The following ZMYM5 variants were observed in gnomAD, a reference collection of about 807,000 sequenced individuals.
ZMYM5 encodes zinc finger MYM-type protein 5.
Under a neutral mutation model 61.8 loss-of-function variants are expected in ZMYM5, and 41 were observed. The ratio of observed to expected loss-of-function variants is 0.66; its 90% CI spans 0.52 to 0.86. The LOEUF (loss-of-function observed/expected upper bound fraction) is 0.86. Ranked by LOEUF, ZMYM5 falls within the 40% of genes least tolerant of loss-of-function variation. The pLI, the probability that ZMYM5 is intolerant of heterozygous loss-of-function variation, is 0.00. For synonymous variants in ZMYM5, 257 were observed against 276.4 expected, an observed-to-expected ratio of 0.93 and a Z score of 0.70; for missense variants, 706 against 786.7, an observed-to-expected ratio of 0.90 and a Z score of 1.23.
At position 19,851,877 on chromosome 13, in the gene ZMYM5, A is replaced by G. The variant is rs138286732; in HGVS notation, c.304T>C (p.Ser102Pro). 4.8e-4 allele frequency: 767 copies of G among 1,611,936 alleles called. No individual in the cohort carries two copies. Among genetic ancestry groups the G allele is most frequent in the Non-Finnish European group, 6.1e-4 (718 of 1,179,482 alleles). The part of the protein sequence containing the change: ...PQGNYSVIPP[S>P]SRDLASQKGN... ...TTCTGAGATGCCAAATCTCTTGAAG[A>G]AGGAGGAATTACAGAATAATTTCCT... The change falls in exon 3 of 8, where the codon TCT (serine) becomes CCT (proline). Residue 102 changes from serine to proline, a missense_variant. Physicochemically the swap from Ser to Pro is moderately conservative, Grantham distance 74. Around this residue, in one of 2 missense-constraint regions of ZMYM5, gnomAD observed 480 missense variants for 461.7 expected, o/e 1.04. Transcript: ENST00000337963.
At position 19,837,790 on chromosome 13, in the gene ZMYM5, G is replaced by A; in HGVS notation, c.904C>T (p.Leu302Phe). 1 of 1,593,688 alleles carries A rather than the reference G, an allele frequency of 6.3e-7. No individual in the cohort carries two copies. The highest frequency in any genetic ancestry group is 1.2e-5 in the South Asian group (1 of 85,882). Reference sequence around the variant, plus strand: ...AAGGATTTGCTTGATTCTACTGGAAGAATGACATTAGCCTTCTTTGTAGAT... The same window carrying A: ...AAGGATTTGCTTGATTCTACTGGAAAAATGACATTAGCCTTCTTTGTAGAT... ...DASTKKANVI[L>F]PVESSKSFQE... Residue 302 changes from leucine (L) to phenylalanine (F), a missense_variant, in exon 6 of 8, where the codon CTT becomes TTT. Coordinates refer to ENST00000337963, the MANE Select transcript of ZMYM5 (RefSeq NM_001142684.2).
chr13:19,844,938 C>A (rs1453960356), intron 4 of ZMYM5, among the ~76,000 whole-genome samples: 3 of 152,112 alleles, frequency 2.0e-5, no homozygotes, highest in Non-Finnish European at 4.4e-5. Flanking sequence ...TCTTATGCTG[C>A]AAGAAAAGTA....
intron 4 of ZMYM5, among the ~76,000 whole-genome samples, chr13:19,841,112 A>G (rs965703653): frequency 2.0e-5 from 3 of 149,908 alleles, no homozygotes; most frequent in Admixed American, 6.7e-5. Context: ...TTACAGGAGC[A>G]CGCCACCACA....
chr13:19,854,040 T>A (rs79272455), intron 2 of ZMYM5, among the ~76,000 whole-genome samples: 2 of 152,138 alleles, frequency 1.3e-5, no homozygotes, highest in African/African-American at 4.8e-5. Flanking sequence ...AGACAGAGTC[T>A]CACTCTATCG....
At chr13:19,848,425 A>C (rs1953162591) in intron 4 of ZMYM5, among the ~76,000 whole-genome samples, 2 of 151,776 alleles carry the variant, frequency 1.3e-5, no homozygotes, top group African/African-American at 4.8e-5. Context: ...GCAATTACAG[A>C]TGTGAGCTAC....
chr13:19,854,042 A>G (rs1953416464), intron 2 of ZMYM5, among the ~76,000 whole-genome samples: 1 of 151,980 alleles, frequency 6.6e-6, no homozygotes, highest in Admixed American at 6.6e-5. Flanking sequence ...ACAGAGTCTC[A>G]CTCTATCGCC....
chr13:19,851,438 C>A lies in ZMYM5; in HGVS notation c.503G>T (p.Gly168Val). ...SSLSRSKTKTGVRPFNPGRMN... is the reference protein window; with the variant it reads ...SSLSRSKTKTVVRPFNPGRMN... ...TCTACCAGGGTTAAAAGGTCTTACTCCAGTCTTGGTCTGTGGAGTTAAAGA... is the reference window on the plus strand; with the variant it reads ...TCTACCAGGGTTAAAAGGTCTTACTACAGTCTTGGTCTGTGGAGTTAAAGA... Residue 168 changes from glycine to valine, a missense_variant, in exon 4 of 8, where the codon GGA becomes GTA. Coordinates refer to ENST00000337963, the MANE Select transcript of ZMYM5 (RefSeq NM_001142684.2). The A allele has an allele frequency of 1.9e-6, 3 of 1,614,074 alleles. No individual in the cohort carries two copies. Among genetic ancestry groups the A allele is most frequent in the Non-Finnish European group, 2.5e-6 (3 of 1,179,984 alleles).
At chr13:19,851,105 A>C (rs1953275351) in intron 4 of ZMYM5, among the ~76,000 whole-genome samples, 1 of 151,994 alleles carries the variant, frequency 6.6e-6, no homozygotes. Flanking sequence ...TCTACTCAGG[A>C]GGCTCAGGCA....
chr13:19,853,713 G>A (rs1409973155), intron 2 of ZMYM5, among the ~76,000 whole-genome samples: 1 of 150,146 alleles, frequency 6.7e-6, no homozygotes, highest in African/African-American at 2.5e-5. Context: ...GTGATCCCCC[G>A]GCTTTAACTT....
At chr13:19,854,641 A>AAAAAC (rs1389815258) in intron 2 of ZMYM5, among the ~76,000 whole-genome samples, 2 of 151,754 alleles carry the variant, frequency 1.3e-5, no homozygotes, top group Non-Finnish European at 2.9e-5. Flanking sequence ...AAAAAAAAAA[A>AAAAAC]AAAACCTCAA....
In ZMYM5 at chr13:19,837,815, T is replaced by C; in HGVS notation, c.879A>G (p.Ala293=). ...NTRSIICKKD[A]STKKANVILP... ...GAATGACATTAGCCTTCTTTGTAGA[T>C]GCATCTCTGAAACAGAAGGGATAGA... Residue 293 remains alanine (A), a synonymous_variant, in exon 6 of 8, where the codon GCA becomes GCG. Transcript: ENST00000337963. 1.9e-6 allele frequency: 3 copies of C among 1,587,418 alleles called. No individual in the cohort carries two copies. Among genetic ancestry groups the C allele is most frequent in the South Asian group, 1.2e-5 (1 of 84,684 alleles).
chr13:19,828,583 C>T (rs1891034546), intron 7 of ZMYM5, among the ~76,000 whole-genome samples: 1 of 152,070 alleles, frequency 6.6e-6, no homozygotes, highest in African/African-American at 2.4e-5. Context: ...ATTATGAATT[C>T]CCAACCTTAT....
rs1458747634 is a variant in ZMYM5 at position 19,863,589 on chromosome 13, C to G, written c.-218G>C. 6.5e-6 allele frequency: 1 copy of G among 152,702 alleles called. No individual in the cohort carries two copies. Among genetic ancestry groups the G allele is most frequent in the Admixed American group, 6.5e-5 (1 of 15,284 alleles). The allele number at this position is 152,702 out of a possible 1,614,324, so 9.5% of individuals were successfully genotyped here. On this transcript the variant is annotated 5_prime_UTR_variant, in exon 1 of 8. Coordinates refer to ENST00000337963, the MANE Select transcript of ZMYM5 (RefSeq NM_001142684.2). The stretch of plus-strand genomic sequence containing the variant: ...GCGCGGAACGAACAAGCCCACCCCG[C>G]TTCGGCGACAAGCACAACTCCGCGA...
chr13:19,840,288 T>G (rs1321853411), intron 4 of ZMYM5, among the ~76,000 whole-genome samples: 1 of 152,170 alleles, frequency 6.6e-6, no homozygotes, highest in Non-Finnish European at 1.5e-5. Context: ...TCCAGCACTT[T>G]GGGACACTGG....
At chr13:19,833,025 T>C (rs1476628576) in intron 7 of ZMYM5, among the ~76,000 whole-genome samples, 1 of 152,072 alleles carries the variant, frequency 6.6e-6, no homozygotes, top group East Asian at 1.9e-4. Context: ...CGTACCACCG[T>C]GCCTGGACCT....
intron 2 of ZMYM5, among the ~76,000 whole-genome samples, chr13:19,859,698 T>C (rs978018047): frequency 2.0e-5 from 3 of 151,908 alleles, no homozygotes; most frequent in South Asian, 2.1e-4. Flanking sequence ...TGAGCTACTG[T>C]GCCCGGCCTT....
chr13:19,848,424 G>A (rs1953162485), intron 4 of ZMYM5, among the ~76,000 whole-genome samples: 1 of 152,120 alleles, frequency 6.6e-6, no homozygotes, highest in Non-Finnish European at 1.5e-5. Flanking sequence ...TGCAATTACA[G>A]ATGTGAGCTA....
chr13:19,860,034 G>A (rs1244711342), intron 2 of ZMYM5, among the ~76,000 whole-genome samples: 4 of 141,152 alleles, frequency 2.8e-5, no homozygotes. Context: ...AGCCCAGGAG[G>A]CAGAGGTTGC....
Position 19,842,227 on chromosome 13 carries a change from T to A in ZMYM5, c.587-3242A>T, listed in dbSNP as rs1381410340. On this transcript the variant is annotated intron_variant, in intron 4 of 7. Coordinates refer to ENST00000337963, the MANE Select transcript of ZMYM5 (RefSeq NM_001142684.2). ...TCCTTCCACCAACCCACCTACCCCA[T>A]GGGCTGGCCAGACCCTTTCCCGCAG... Among the ~76,000 whole-genome samples the A allele has an allele frequency of 1.2e-3, 184 of 152,174 alleles. 3 individuals are homozygous for A. Among genetic ancestry groups the A allele is most frequent in the Non-Finnish European group, 1.6e-4 (11 of 68,034 alleles).
Sources: gnomAD v4.1 joint callset for allele counts (sites outside exome capture counted in the v4.1 genomes callset) on GRCh38, gnomAD v4.1.1 for gene constraint, gnomAD v4.1.1 regional missense constraint, MANE v1.5 for transcripts, NCBI Gene and HGNC (gene_info 2026-07-23, HGNC 2026-07-21) for gene names.